The following FRMD6 variants were observed in gnomAD, a reference collection of about 807,000 sequenced individuals.
FRMD6 encodes the protein FERM domain containing 6.
Under a neutral mutation model 73.2 loss-of-function variants are expected in FRMD6, and 37 were observed. That is an observed-to-expected ratio of 0.51 (90% CI 0.39 to 0.66). The LOEUF (loss-of-function observed/expected upper bound fraction) is 0.66. Ranked by LOEUF, FRMD6 falls within the 30% of genes least tolerant of loss-of-function variation. FRMD6 has a pLI of 0.00. For synonymous variants in FRMD6, 273 were observed against 282.2 expected, an observed-to-expected ratio of 0.97 and a Z score of 0.33; for missense variants, 714 against 780.5, an observed-to-expected ratio of 0.91 and a Z score of 1.02.
At chr14:51,621,809 A>C (rs1890938452) in intron 2 of FRMD6, among the ~76,000 whole-genome samples, 1 of 151,608 alleles carries the variant, frequency 6.6e-6, no homozygotes, top group Admixed American at 6.5e-5. Context: ...ATTCTACCAG[A>C]CCCAGCTGGG....
intron 2 of FRMD6, among the ~76,000 whole-genome samples, chr14:51,595,806 A>G (rs1889681869): frequency 6.6e-6 from 1 of 152,268 alleles, no homozygotes; most frequent in African/African-American, 2.4e-5. Context: ...GTCTCAGGCA[A>G]TAATGAGTCT....
intron 1 of FRMD6, among the ~76,000 whole-genome samples, chr14:51,670,125 A>G (rs1329313375): frequency 6.6e-6 from 1 of 152,182 alleles, no homozygotes; most frequent in East Asian, 1.9e-4. Context: ...TGCCAAGACT[A>G]GAGTGCAGTG....
At chr14:51,525,252 C>CTTTA (rs890958703) in intron 1 of FRMD6, among the ~76,000 whole-genome samples, 4 of 151,708 alleles carry the variant, frequency 2.6e-5, no homozygotes, top group African/African-American at 9.7e-5. Context: ...AAAGGCCCTT[C>CTTTA]TTTATTTATT....
chr14:51,422,946 G>A, the FRMD6 span, among the ~76,000 whole-genome samples: 5 of 152,194 alleles, frequency 3.3e-5, no homozygotes, highest in Admixed American at 3.3e-4. Context: ...CAGAAGTGAT[G>A]TATGTCACTC....
chr14:51,459,884 C>CTCT, the FRMD6 span, among the ~76,000 whole-genome samples: 2 of 74,650 alleles, frequency 2.7e-5, no homozygotes, highest in African/African-American at 5.8e-5. Flanking sequence ...TACTGACTCT[C>CTCT]TTTTTTTTTT....
At chr14:51,635,474 T>C (rs1406922574) in intron 2 of FRMD6, among the ~76,000 whole-genome samples, 3 of 152,228 alleles carry the variant, frequency 2.0e-5, no homozygotes, top group African/African-American at 7.2e-5. Context: ...GGAGCCCAAG[T>C]ACTGGCAAAC....
At chr14:51,667,882 G>A (rs545653727) in intron 1 of FRMD6, among the ~76,000 whole-genome samples, 8 of 152,140 alleles carry the variant, frequency 5.3e-5, no homozygotes, top group African/African-American at 1.7e-4. Context: ...TCTGTGAAAG[G>A]ATGTTGAGAG....
the FRMD6 span, among the ~76,000 whole-genome samples, chr14:51,455,785 A>T: frequency 9.9e-5 from 15 of 152,204 alleles, no homozygotes; most frequent in Non-Finnish European, 2.1e-4. Flanking sequence ...TGGTATGGGG[A>T]GGAGGCAGTA....
intron 2 of FRMD6, among the ~76,000 whole-genome samples, chr14:51,578,710 G>A (rs1888540377): frequency 6.6e-6 from 1 of 152,192 alleles, no homozygotes; most frequent in African/African-American, 2.4e-5. Context: ...TCCTGAATAA[G>A]ATATTATGAT....
At chr14:51,479,451 G>A in the FRMD6 span, among the ~76,000 whole-genome samples, 1 of 152,184 alleles carries the variant, frequency 6.6e-6, no homozygotes, top group African/African-American at 2.4e-5. Flanking sequence ...GGATAAATAT[G>A]AGCTTAGTCT....
upstream of FRMD6, among the ~76,000 whole-genome samples, chr14:51,486,556 T>C (rs1440823650): frequency 2.1e-4 from 32 of 152,302 alleles, no homozygotes; most frequent in Non-Finnish European, 1.9e-4. Context: ...ACTGAAAACA[T>C]AGAAAAAATA....
At chr14:51,644,802 A>C (rs977912121) in intron 2 of FRMD6, among the ~76,000 whole-genome samples, 1 of 152,214 alleles carries the variant, frequency 6.6e-6, no homozygotes, top group African/African-American at 2.4e-5. Context: ...ATCACATGGA[A>C]TGTATGGCTT....
chr14:51,702,628 C>T (rs768318553), intron 5 of FRMD6, 40 bp downstream of exon 5: 1 of 1,492,238 alleles, frequency 6.7e-7, no homozygotes, highest in African/African-American at 1.4e-5. Context: ...TTTTTTTTCC[C>T]CCATAGCACT....
At chr14:51,573,741 G>A (rs1888259010) in intron 2 of FRMD6, among the ~76,000 whole-genome samples, 1 of 152,130 alleles carries the variant, frequency 6.6e-6, no homozygotes, top group Non-Finnish European at 1.5e-5. Flanking sequence ...CAGGAGACTG[G>A]ACGCTTACCT....
intron 2 of FRMD6, among the ~76,000 whole-genome samples, chr14:51,641,999 C>CCCA (rs1389612798): frequency 6.6e-6 from 1 of 152,180 alleles, no homozygotes; most frequent in East Asian, 1.9e-4. Context: ...ACGATTATCT[C>CCCA]CCACCTTACA....
In FRMD6 at chr14:51,701,090, G is replaced by C. The variant is rs748250979; in HGVS notation, c.225G>C (p.Lys75Asn). 14 of 1,574,824 alleles carry C rather than the reference G, an allele frequency of 8.9e-6. No homozygotes were observed. Among genetic ancestry groups the C allele is most frequent in the African/African-American group, 1.4e-5 (1 of 73,452 alleles). ...NEHVYMELSQ[K>N]LYKYCPKEWK... ...ATGTGTATATGGAGTTGTCACAAAA[G>C]CTTTACAAATATTGTCCAAAAGAAT... The change falls in exon 4 of 14, where the codon AAG becomes AAC. Residue 75 changes from lysine (K) to asparagine (N), a missense_variant. Transcript: ENST00000344768.
In FRMD6 at chr14:51,585,923, A is replaced by ATGTGTGTGTGTGTGTGTGTG. The variant is rs144016037; in HGVS notation, c.-147+15530_-147+15531insGTGTGTGTGTGTGTGTGTGT. Among the ~76,000 whole-genome samples the ATGTGTGTGTGTGTGTGTGTG allele has an allele frequency of 3.2e-3, 116 of 36,782 alleles. 30 individuals are homozygous for ATGTGTGTGTGTGTGTGTGTG. Among genetic ancestry groups the ATGTGTGTGTGTGTGTGTGTG allele is most frequent in the Middle Eastern group, 0.02 (2 of 98 alleles). The allele number at this position is 36,782 out of a possible 152,430, so 24.1% of individuals were successfully genotyped here. A position where few individuals can be genotyped will look rare whatever the true frequency, so the allele number is the denominator to read the frequency against. On this transcript the variant is annotated intron_variant, in intron 2 of 14. Transcript: ENST00000356218. ...TTATGGCTGAATAGTATGCCATGGC[A>ATGTGTGTGTGTGTGTGTGTG]TGTGTGTGTGTGTGTGTATATATAT...
At chr14:51,563,657 G>A (rs150804805) in intron 1 of FRMD6, among the ~76,000 whole-genome samples, 51 of 152,146 alleles carry the variant, frequency 3.4e-4, no homozygotes, top group African/African-American at 1.2e-3. Context: ...GCAATAGAGC[G>A]AGATTCAGTC....
the FRMD6 span, among the ~76,000 whole-genome samples, chr14:51,439,013 G>T: frequency 2.6e-5 from 4 of 152,204 alleles, no homozygotes; most frequent in African/African-American, 4.8e-5. Flanking sequence ...ACTCAGCTCT[G>T]TCTGCTCAAT....
Sources: gnomAD v4.1 joint callset for allele counts (sites outside exome capture counted in the v4.1 genomes callset) on GRCh38, gnomAD v4.1.1 for gene constraint, MANE v1.5 for transcripts, NCBI Gene and HGNC (gene_info 2026-07-23, HGNC 2026-07-21) for gene names.